The following KIAA0408 variants were observed in gnomAD, a reference collection of about 807,000 sequenced individuals.
KIAA0408 encodes the protein KIAA0408.
KIAA0408 carries 51 observed loss-of-function variants against 60.9 expected under a neutral mutation model. The observed-to-expected ratio is 0.84, with a 90% confidence interval of 0.67 to 1.06. The LOEUF (loss-of-function observed/expected upper bound fraction) is 1.06. Ranked by LOEUF, KIAA0408 falls within the 50% of genes least tolerant of loss-of-function variation. The probability of loss-of-function intolerance (pLI) is 0.00; values close to 1 mark genes in which losing one functional copy is unlikely to be tolerated. For synonymous variants in KIAA0408, 304 were observed against 282.4 expected (o/e 1.08, Z -0.77); for missense variants, 787 against 833.9 (o/e 0.94, Z 0.69).
Position 127,441,640 on chromosome 6 carries a change from T to C in KIAA0408, c.*2469A>G, listed in dbSNP as rs1459456219. ...AGCAATGATAGCATAATAAAGGGCATATTCTAGGGAAGAAAATGCCCACCT... is the reference window on the plus strand; with the variant it reads ...AGCAATGATAGCATAATAAAGGGCACATTCTAGGGAAGAAAATGCCCACCT... On this transcript the variant is annotated 3_prime_UTR_variant, in exon 6 of 6. Coordinates refer to ENST00000483725, the MANE Select transcript of KIAA0408 (RefSeq NM_014702.5). 1 of 152,210 alleles carries C rather than the reference T, an allele frequency of 6.6e-6. No homozygotes were observed. The highest frequency in any genetic ancestry group is 1.5e-5 in the Non-Finnish European group (1 of 68,038). 9.4% of individuals were successfully genotyped at this position (152,210 alleles called of 1,614,324 possible). A position where few individuals can be genotyped will look rare whatever the true frequency, so the allele number is the denominator to read the frequency against.
chr6:127,453,207 G>A (rs912704651), intron 2 of KIAA0408, among the ~76,000 whole-genome samples: 2 of 152,042 alleles, frequency 1.3e-5, no homozygotes, highest in African/African-American at 4.8e-5. Context: ...AATGCTTGAA[G>A]GAAATATTTC....
Position 127,442,729 on chromosome 6 carries a change from C to T in KIAA0408, c.*1380G>A, listed in dbSNP as rs931996981. 1 of 152,174 alleles carries T rather than the reference C, an allele frequency of 6.6e-6. No individual in the cohort carries two copies. Among genetic ancestry groups the T allele is most frequent in the African/African-American group, 2.4e-5 (1 of 41,454 alleles). The allele number at this position is 152,174 out of a possible 1,614,324, so 9.4% of individuals were successfully genotyped here. A position where few individuals can be genotyped will look rare whatever the true frequency, so the allele number is the denominator to read the frequency against. On this transcript the variant is annotated 3_prime_UTR_variant, in exon 6 of 6. Transcript: ENST00000483725. ...TCATAAGGAGATGGCTCTTGGAATA[C>T]ATTTGGCATAAGAATTTCTTAGTAA...
rs1755819478 is a variant in KIAA0408 at position 127,439,428 on chromosome 6, G to A, written c.*4681C>T. ...TAAAATCAGAGCATAGGCATTAAAA[G>A]TGGAAATATTTTGTTAAAGCCTTGT... is the stretch of plus-strand genomic sequence containing the variant. On this transcript the variant is annotated 3_prime_UTR_variant, in exon 6 of 6. Transcript: ENST00000483725. 6.6e-6 allele frequency: 1 copy of A among 152,130 alleles called. No individual in the cohort carries two copies. Among genetic ancestry groups the A allele is most frequent in the African/African-American group, 2.4e-5 (1 of 41,422 alleles). 9.4% of individuals were successfully genotyped at this position (152,130 alleles called of 1,614,324 possible). A position where few individuals can be genotyped will look rare whatever the true frequency, so the allele number is the denominator to read the frequency against.
At chr6:127,453,638 A>G (rs2114803115) in intron 2 of KIAA0408, among the ~76,000 whole-genome samples, 1 of 152,182 alleles carries the variant, frequency 6.6e-6, no homozygotes, top group Admixed American at 6.6e-5. Context: ...TGACATTTCA[A>G]ATGCTTAATT....
intron 1 of KIAA0408, among the ~76,000 whole-genome samples, chr6:127,455,260 TA>T (rs1225764284): frequency 6.6e-6 from 1 of 152,128 alleles, no homozygotes; most frequent in Non-Finnish European, 1.5e-5. Flanking sequence ...ATCAAAATGC[TA>T]TAACTTACTG....
In KIAA0408 at chr6:127,447,567, T is replaced by G; in HGVS notation, c.752A>C (p.Lys251Thr). ...TAAATCGATTGTATCAATTCCACAT[T>G]TTTTCGTAGAATTGCTCTGGAGCAC... Reference protein sequence around the residue: ...TNVLQSNSTKKCGIDTIDLKR... With the variant: ...TNVLQSNSTKTCGIDTIDLKR... The change falls in exon 5 of 6, where the codon AAA becomes ACA. Residue 251 changes from lysine to threonine, a missense_variant. Lys to Thr is a moderately conservative substitution (Grantham distance 78). Transcript: ENST00000483725. 6.2e-7 allele frequency: 1 copy of G among 1,611,418 alleles called. No individual in the cohort carries two copies. Among genetic ancestry groups the G allele is most frequent in the Non-Finnish European group, 8.5e-7 (1 of 1,179,320 alleles).
In KIAA0408 at chr6:127,454,008, A is replaced by T; in HGVS notation, c.-27T>A. On this transcript the variant is annotated 5_prime_UTR_variant, in exon 2 of 6. Coordinates refer to ENST00000483725, the MANE Select transcript of KIAA0408 (RefSeq NM_014702.5). ...GCAACAGTGTAAGTGTCAGCAAAGA[A>T]GTGTTTCTGCTCTTCTCTGCCTCCT... 6.3e-7 allele frequency: 1 copy of T among 1,599,762 alleles called. No homozygotes were observed. The highest frequency in any genetic ancestry group is 1.1e-5 in the South Asian group (1 of 87,712).
Position 127,449,913 on chromosome 6 carries a change from T to C in KIAA0408, c.499-12A>G, listed in dbSNP as rs766603166. 20 of 1,613,870 alleles carry C rather than the reference T, an allele frequency of 1.2e-5. No homozygotes were observed. Among genetic ancestry groups the C allele is most frequent in the Non-Finnish European group, 1.5e-5 (18 of 1,179,972 alleles). Reference sequence around the variant, plus strand: ...AGTTCTTCAAGAGCCTTTACACATATAAGCAACAGCCCGTTAGCACTTTGA... The same window carrying C: ...AGTTCTTCAAGAGCCTTTACACATACAAGCAACAGCCCGTTAGCACTTTGA... On this transcript the variant is annotated splice_polypyrimidine_tract_variant and intron_variant, in intron 3 of 5. Coordinates refer to ENST00000483725, the MANE Select transcript of KIAA0408 (RefSeq NM_014702.5).
At position 127,450,166 on chromosome 6, in the gene KIAA0408, C is replaced by T. The variant is rs746094813; in HGVS notation, c.322G>A (p.Glu108Lys). 2 of 1,614,054 alleles carry T rather than the reference C, an allele frequency of 1.2e-6. No homozygotes were observed. The highest frequency in any genetic ancestry group is 1.7e-6 in the Non-Finnish European group (2 of 1,179,964). ...KDGLRKENKR[E>K]QSLVSGGNQM... is the part of the protein sequence containing the mutation. ...TTTCCTCCACTGACTAAGCTCTGCTCTCTTTTATTTTCTTTTCTCAGACCA... is the reference window on the plus strand; with the variant it reads ...TTTCCTCCACTGACTAAGCTCTGCTTTCTTTTATTTTCTTTTCTCAGACCA... Residue 108 changes from glutamate (E) to lysine (K), a missense_variant, in exon 3 of 6, where the codon GAG becomes AAG. Transcript: ENST00000483725.
chr6:127,442,794 A>G lies in KIAA0408; in HGVS notation c.*1315T>C, dbSNP rs1218372519. 1 of 152,238 alleles carries G rather than the reference A, an allele frequency of 6.6e-6. No homozygotes were observed. Among genetic ancestry groups the G allele is most frequent in the African/African-American group, 2.4e-5 (1 of 41,464 alleles). The allele number at this position is 152,238 out of a possible 1,614,324, so 9.4% of individuals were successfully genotyped here. A position where few individuals can be genotyped will look rare whatever the true frequency, so the allele number is the denominator to read the frequency against. ...TAGAGTTAATATCTAATAACATAAC[A>G]TAATTGGTTTTATATAGTGACAGTA... On this transcript the variant is annotated 3_prime_UTR_variant, in exon 6 of 6. Transcript: ENST00000483725.
intron 2 of KIAA0408, among the ~76,000 whole-genome samples, chr6:127,453,618 C>T (rs1773339991): frequency 6.6e-6 from 1 of 151,876 alleles, no homozygotes; most frequent in South Asian, 2.1e-4. Flanking sequence ...TAAGTTGAAA[C>T]ATTATAGAGT....
intron 2 of KIAA0408, chr6:127,450,795 A>G (rs925354077): frequency 1.9e-5 from 3 of 160,076 alleles, no homozygotes; most frequent in Admixed American, 6.1e-5. Context: ...ATGCTTGACA[A>G]TCTCAGATAG....
Position 127,447,747 on chromosome 6 carries a change from A to G in KIAA0408, c.579-7T>C. ...AAAAGAATCTGACTTCATCCTAAAC[A>G]ATGATAAAACATGGTGTATTGGTTA... On this transcript the variant is annotated splice_polypyrimidine_tract_variant and splice_region_variant and intron_variant, in intron 4 of 5. Transcript: ENST00000483725. 1.3e-6 allele frequency: 2 copies of G among 1,530,242 alleles called. No individual in the cohort carries two copies. Among genetic ancestry groups the G allele is most frequent in the Non-Finnish European group, 1.7e-6 (2 of 1,145,402 alleles). The allele number at this position is 1,530,242 out of a possible 1,614,324, so 94.8% of individuals were successfully genotyped here. A position where few individuals can be genotyped will look rare whatever the true frequency, so the allele number is the denominator to read the frequency against.
At position 127,449,860 on chromosome 6, in the gene KIAA0408, G is replaced by A; in HGVS notation, c.540C>T (p.Ser180=). ...ACCGCTTTCGAATTTCCTCTTGAAA[G>A]CTGCATAATTCTTCACTCACCTTCG... is the stretch of plus-strand genomic sequence containing the variant. The part of the protein sequence containing the change: ...ELAKVSEELC[S]FQEEIRKRSN... Residue 180 remains serine (S), a synonymous_variant, in exon 4 of 6, where the codon AGC becomes AGT. Transcript: ENST00000483725. 1 of 1,614,008 alleles carries A rather than the reference G, an allele frequency of 6.2e-7. No homozygotes were observed. Among genetic ancestry groups the A allele is most frequent in the Non-Finnish European group, 8.5e-7 (1 of 1,179,952 alleles).
chr6:127,452,399 T>C (rs1273545001), intron 2 of KIAA0408, among the ~76,000 whole-genome samples: 4 of 152,066 alleles, frequency 2.6e-5, no homozygotes, highest in South Asian at 4.1e-4. Context: ...GATAAAAAAA[T>C]ATGACAGCCC....
At chr6:127,457,653 G>A (rs1773419198) in intron 1 of KIAA0408, among the ~76,000 whole-genome samples, 1 of 152,354 alleles carries the variant, frequency 6.6e-6, no homozygotes, top group Non-Finnish European at 1.5e-5. Flanking sequence ...GTTGTGAGTG[G>A]GTTGCATAAG....
In KIAA0408 at chr6:127,438,503, T is replaced by C. The variant is rs1261331774; in HGVS notation, c.*5606A>G. Reference sequence around the variant, plus strand: ...AAATAAACTGGCAGCAGAGCACAATTGCAGTCACATTGCTTAACAACAGGG... The same window carrying C: ...AAATAAACTGGCAGCAGAGCACAATCGCAGTCACATTGCTTAACAACAGGG... On this transcript the variant is annotated 3_prime_UTR_variant, in exon 6 of 6. Coordinates refer to ENST00000483725, the MANE Select transcript of KIAA0408 (RefSeq NM_014702.5). 6.6e-6 allele frequency: 1 copy of C among 152,140 alleles called. No homozygotes were observed. Among genetic ancestry groups the C allele is most frequent in the African/African-American group, 2.4e-5 (1 of 41,424 alleles). 9.4% of individuals were successfully genotyped at this position (152,140 alleles called of 1,614,324 possible). A position where few individuals can be genotyped will look rare whatever the true frequency, so the allele number is the denominator to read the frequency against.
Position 127,447,318 on chromosome 6 carries a change from C to T in KIAA0408, c.1001G>A (p.Gly334Asp), listed in dbSNP as rs375687905. Residue 334 changes from glycine (G) to aspartate (D), a missense_variant, in exon 5 of 6, where the codon GGT becomes GAT. Physicochemically the swap from Gly to Asp is moderately conservative, Grantham distance 94. Coordinates refer to ENST00000483725, the MANE Select transcript of KIAA0408 (RefSeq NM_014702.5). ...YPNEGKTSKDGIIFSSLVPEV... is the reference protein window; with the variant it reads ...YPNEGKTSKDDIIFSSLVPEV... Reference sequence around the variant, plus strand: ...TGGTACCAAAGAGGAAAAGATGATACCATCTTTCGAAGTTTTCCCTTCATT... The same window carrying T: ...TGGTACCAAAGAGGAAAAGATGATATCATCTTTCGAAGTTTTCCCTTCATT... 2 of 1,613,586 alleles carry T rather than the reference C, an allele frequency of 1.2e-6. No individual in the cohort carries two copies. Among genetic ancestry groups the T allele is most frequent in the African/African-American group, 1.3e-5 (1 of 74,888 alleles).
At position 127,449,887 on chromosome 6, in the gene KIAA0408, A is replaced by G; in HGVS notation, c.513T>C (p.Leu171=). 1 of 1,614,058 alleles carries G rather than the reference A, an allele frequency of 6.2e-7. No individual in the cohort carries two copies. The highest frequency in any genetic ancestry group is 8.5e-7 in the Non-Finnish European group (1 of 1,179,976). Residue 171 remains leucine, a synonymous_variant, in exon 4 of 6, where the codon CTT becomes CTC. Coordinates refer to ENST00000483725, the MANE Select transcript of KIAA0408 (RefSeq NM_014702.5). Reference sequence around the variant, plus strand: ...TGCATAATTCTTCACTCACCTTCGCAAGTTCTTCAAGAGCCTTTACACATA... The same window carrying G: ...TGCATAATTCTTCACTCACCTTCGCGAGTTCTTCAAGAGCCTTTACACATA... The part of the protein sequence containing the change: ...SGALSTALEE[L]AKVSEELCSF...
Sources: gnomAD v4.1 joint callset for allele counts (sites outside exome capture counted in the v4.1 genomes callset) on GRCh38, gnomAD v4.1.1 for gene constraint, MANE v1.5 for transcripts, NCBI Gene and HGNC (gene_info 2026-07-23, HGNC 2026-07-21) for gene names.